Variants in SMAD6 observed in about 807,000 individuals in gnomAD.
SMAD6 encodes MAD homolog 6.
In SMAD6, 103 loss-of-function variants were observed where a neutral mutation model predicts 39.4. The observed-to-expected ratio is 2.62, with a 90% CI of 2.23 to 3.08. SMAD6 has a LOEUF of 3.08. Ranked by LOEUF, SMAD6 falls within the 30% of genes most tolerant of loss-of-function variation. The pLI, the probability that SMAD6 is intolerant of heterozygous loss-of-function variation, is 0.00. For missense variants in SMAD6, 1,104 were observed against 742.9 expected, an observed-to-expected ratio of 1.49 and a Z score of -5.65; for synonymous variants, 445 against 353.3, an observed-to-expected ratio of 1.26 and a Z score of -2.91.
chr15:66,708,677 C>A (rs1893168388), intron 1 of SMAD6: 2 of 461,248 alleles, frequency 4.3e-6, no homozygotes, highest in South Asian at 1.6e-5. Flanking sequence ...AAGCCAGCCA[C>A]AAAAGGCCAT....
At chr15:66,715,984 GAGGA>G (rs1164738893) in intron 2 of SMAD6, among the ~76,000 whole-genome samples, 2 of 152,038 alleles carry the variant, frequency 1.3e-5, no homozygotes, top group Non-Finnish European at 2.9e-5. Context: ...TAGCGGGAGG[GAGGA>G]AGGAAGGAAG....
At chr15:66,713,540 G>A (rs747047730) in intron 2 of SMAD6, among the ~76,000 whole-genome samples, 18 of 152,288 alleles carry the variant, frequency 1.2e-4, no homozygotes, top group East Asian at 7.7e-4. Flanking sequence ...GGCTGGTCTC[G>A]ATCTCCTGAC....
chr15:66,775,009 G>A lies in SMAD6; in HGVS notation c.953-5988G>A, dbSNP rs528268532. Among the ~76,000 whole-genome samples the A allele has an allele frequency of 3.0e-3, 457 of 151,994 alleles. 4 individuals carry two copies. Among genetic ancestry groups the A allele is most frequent in the African/African-American group, 0.01 (417 of 41,428 alleles). ...CCGAATAGTTGGGATTAAGGCGCCC[G>A]CCACCACACCCGGGTGATTTTTTTG... On this transcript the variant is annotated intron_variant, in intron 3 of 3. Coordinates refer to ENST00000288840, the MANE Select transcript of SMAD6 (RefSeq NM_005585.5).
intron 3 of SMAD6, among the ~76,000 whole-genome samples, chr15:66,729,213 G>A (rs1893578397): frequency 6.6e-6 from 1 of 152,138 alleles, no homozygotes; most frequent in South Asian, 2.1e-4. Context: ...ACAAAACTGA[G>A]TCCTGTCCCC....
In SMAD6 at chr15:66,703,322, C is replaced by T. The variant is rs1238556330; in HGVS notation, c.64C>T (p.Arg22Trp). ...TTGGCGAAGTCGTGTGGTCCCCGAC[C>T]GGGAGGAAGGCGGCAGCGGCGGCGG... ...RLWRSRVVPD[R>W]EEGGSGGGGG... The change falls in exon 1 of 4, where the codon CGG becomes TGG. Residue 22 changes from arginine to tryptophan, a missense_variant. Transcript: ENST00000288840. 1.3e-6 allele frequency: 2 copies of T among 1,485,602 alleles called. No individual in the cohort carries two copies. Among genetic ancestry groups the T allele is most frequent in the Admixed American group, 2.4e-5 (1 of 42,508 alleles). 92.0% of individuals were successfully genotyped at this position (1,485,602 alleles called of 1,614,324 possible).
At chr15:66,731,687 T>C (rs539275417) in intron 3 of SMAD6, among the ~76,000 whole-genome samples, 28 of 152,344 alleles carry the variant, frequency 1.8e-4, no homozygotes, top group African/African-American at 6.7e-4. Context: ...CTACAAAGGT[T>C]TGTGTTCAGA....
chr15:66,750,873 G>T (rs1893992895), intron 3 of SMAD6, among the ~76,000 whole-genome samples: 1 of 152,188 alleles, frequency 6.6e-6, no homozygotes, highest in Non-Finnish European at 1.5e-5. Flanking sequence ...GGCAGAGCAA[G>T]CCCCTAGCAG....
intron 3 of SMAD6, among the ~76,000 whole-genome samples, chr15:66,735,410 G>A (rs1420150553): frequency 6.6e-6 from 1 of 152,316 alleles, no homozygotes; most frequent in African/African-American, 2.4e-5. Context: ...AAGGATGTAG[G>A]GGGAAATGAT....
At chr15:66,745,711 C>A (rs34190282) in intron 3 of SMAD6, among the ~76,000 whole-genome samples, 44,804 of 152,130 alleles carry the variant, frequency 0.29, 6,874 homozygotes, top group East Asian at 0.42. Context: ...AGGCTCCCCC[C>A]CAAGCTCTGC....
chr15:66,717,080 G>A (rs1356840558), intron 3 of SMAD6: 2 of 1,289,018 alleles, frequency 1.6e-6, no homozygotes, highest in Non-Finnish European at 2.0e-6. Flanking sequence ...TTAGAAGCTG[G>A]TCATAGGGAC....
chr15:66,725,396 C>A (rs1893505037), intron 3 of SMAD6, among the ~76,000 whole-genome samples: 1 of 152,206 alleles, frequency 6.6e-6, no homozygotes, highest in South Asian at 2.1e-4. Context: ...CTACCCTCAC[C>A]ATTTGGTAGC....
chr15:66,749,491 G>A (rs1166318892), intron 3 of SMAD6, among the ~76,000 whole-genome samples: 2 of 152,078 alleles, frequency 1.3e-5, no homozygotes, highest in South Asian at 2.1e-4. Flanking sequence ...TTAGGCAGGC[G>A]TCGTGGCATG....
chr15:66,703,151 G>A lies in SMAD6; in HGVS notation c.-108G>A. The stretch of plus-strand genomic sequence containing the variant: ...GCGGTCTGCACGGCGCTCCGCGGCG[G>A]AGCTTCATGTGGGGCTGCGACCCGC... On this transcript the variant is annotated 5_prime_UTR_variant, in exon 1 of 4. Transcript: ENST00000288840. 1 of 798,986 alleles carries A rather than the reference G, an allele frequency of 1.3e-6. No homozygotes were observed. Among genetic ancestry groups the A allele is most frequent in the East Asian group, 3.4e-5 (1 of 29,566 alleles). The allele number at this position is 798,986 out of a possible 1,614,324, so 49.5% of individuals were successfully genotyped here.
intron 3 of SMAD6, among the ~76,000 whole-genome samples, chr15:66,778,403 T>C (rs1349726478): frequency 1.3e-5 from 2 of 151,994 alleles, no homozygotes; most frequent in Admixed American, 1.3e-4. Context: ...CCCTGCCCCC[T>C]GTGCCCCTGT....
chr15:66,717,328 C>T, intron 3 of SMAD6: 1 of 459,702 alleles, frequency 2.2e-6, no homozygotes, highest in Admixed American at 2.3e-5. Flanking sequence ...CTTCCCTCAC[C>T]CCACATCCAT....
At chr15:66,711,108 A>G (rs76856645) in intron 1 of SMAD6, among the ~76,000 whole-genome samples, 2,330 of 152,318 alleles carry the variant, frequency 0.015, 65 homozygotes, top group African/African-American at 0.053. Context: ...AGTATCAGAT[A>G]AACAACACAC....
At chr15:66,736,649 T>C (rs771328038) in intron 3 of SMAD6, among the ~76,000 whole-genome samples, 21 of 151,078 alleles carry the variant, frequency 1.4e-4, no homozygotes, top group Non-Finnish European at 2.5e-4. Flanking sequence ...TTAGACACTC[T>C]CCCCTTCCCC....
intron 3 of SMAD6, among the ~76,000 whole-genome samples, chr15:66,738,951 C>T (rs1482651053): frequency 1.3e-5 from 2 of 152,136 alleles, no homozygotes; most frequent in Non-Finnish European, 2.9e-5. Context: ...CATCTGGCTG[C>T]AAATGGGACC....
chr15:66,758,554 C>A (rs1364085455), intron 3 of SMAD6, among the ~76,000 whole-genome samples: 1 of 152,040 alleles, frequency 6.6e-6, no homozygotes, highest in Non-Finnish European at 1.5e-5. Flanking sequence ...ATGGTGAAAC[C>A]CCGTCTCTGC....
Sources: allele counts gnomAD v4.1 joint callset (sites outside exome capture counted in the v4.1 genomes callset), GRCh38; gene constraint gnomAD v4.1.1; transcripts MANE v1.5; gene names NCBI Gene and HGNC (gene_info 2026-07-23, HGNC 2026-07-21).